LARP4B: variants seen among roughly 807,000 people sequenced by gnomAD.
LARP4B encodes La ribonucleoprotein 4B, also known as la-related protein 4B.
A neutral mutation model predicts 89.8 loss-of-function variants in LARP4B; 12 were observed. The ratio of observed to expected loss-of-function variants is 0.13; its 90% confidence interval spans 0.09 to 0.22. The LOEUF (loss-of-function observed/expected upper bound fraction) is 0.22, where lower values mean the gene tolerates loss of function less well. Ranked by LOEUF, LARP4B falls within the 10% of genes least tolerant of loss-of-function variation. The pLI, the probability that LARP4B is intolerant of heterozygous loss-of-function variation, is 1.00. For synonymous variants in LARP4B, 367 were observed against 363.3 expected, an observed-to-expected ratio of 1.01 and a Z score of -0.12; for missense variants, 757 against 947.7, an observed-to-expected ratio of 0.80 and a Z score of 2.64.
the LARP4B span, among the ~76,000 whole-genome samples, chr10:983,770 C>T: frequency 8.0e-4 from 122 of 152,262 alleles, no homozygotes; most frequent in African/African-American, 2.6e-3. Context: ...TAATTTGGTC[C>T]ACAGCAGTGG....
At chr10:871,800 T>C (rs531134181) in intron 3 of LARP4B, among the ~76,000 whole-genome samples, 14 of 152,308 alleles carry the variant, frequency 9.2e-5, no homozygotes, top group African/African-American at 3.1e-4. Flanking sequence ...ACAGGAAGGA[T>C]ACTATCTGCT....
In LARP4B at chr10:814,678, G is replaced by C; in HGVS notation, c.1929+64C>G. On this transcript the variant is annotated intron_variant, in intron 17 of 17. Transcript: ENST00000316157. The surrounding 1 kb of genome is among the most constrained non-coding windows in gnomAD (Gnocchi z 4.4). Reference sequence around the variant, plus strand: ...AAAAAACGAGCAGGTGCAGGAGTGCGCAGCGTCTGTTCACACCAGAGCCTC... The same window carrying C: ...AAAAAACGAGCAGGTGCAGGAGTGCCCAGCGTCTGTTCACACCAGAGCCTC... 6.4e-7 allele frequency: 1 copy of C among 1,553,516 alleles called. No homozygotes were observed. Among genetic ancestry groups the C allele is most frequent in the African/African-American group, 1.4e-5 (1 of 73,228 alleles).
chr10:899,151 A>G (rs1836265985), intron 1 of LARP4B, among the ~76,000 whole-genome samples: 1 of 152,220 alleles, frequency 6.6e-6, no homozygotes, highest in Non-Finnish European at 1.5e-5. Context: ...TTATACAACA[A>G]AAACAGTGAT....
At chr10:970,940 A>C in the LARP4B span, among the ~76,000 whole-genome samples, 1 of 152,298 alleles carries the variant, frequency 6.6e-6, no homozygotes, top group South Asian at 2.1e-4. Flanking sequence ...CCTTGGCTCC[A>C]CTGCCCTGAG....
At chr10:862,256 T>TAAAAAA (rs10661482) in intron 5 of LARP4B, among the ~76,000 whole-genome samples, 67 of 84,364 alleles carry the variant, frequency 7.9e-4, no homozygotes, top group African/African-American at 2.2e-3. Context: ...CCACTGAAGT[T>TAAAAAA]AAAAAAAAAA....
intron 1 of LARP4B, among the ~76,000 whole-genome samples, chr10:901,070 C>T (rs1322264729): frequency 6.6e-6 from 1 of 151,808 alleles, no homozygotes; most frequent in African/African-American, 2.4e-5. Flanking sequence ...CAGGCACCTG[C>T]CACCACGCCC....
At chr10:862,986 T>TTG (rs1834702253) in intron 5 of LARP4B, among the ~76,000 whole-genome samples, 1 of 152,128 alleles carries the variant, frequency 6.6e-6, no homozygotes, top group African/African-American at 2.4e-5. Flanking sequence ...TCCTGCAAAA[T>TTG]TTACCTTCCC....
chr10:932,895 C>T (rs981454105), upstream of LARP4B: 1 of 149,934 alleles, frequency 6.7e-6, no homozygotes, highest in African/African-American at 2.4e-5. Flanking sequence ...CCCGGCCCTT[C>T]CCCAAACCCC....
chr10:882,362 T>C (rs1211027234), intron 3 of LARP4B, among the ~76,000 whole-genome samples: 2 of 152,044 alleles, frequency 1.3e-5, no homozygotes, highest in African/African-American at 4.8e-5. Context: ...CATTATAATA[T>C]ATTGTTCTCA....
intron 1 of LARP4B, among the ~76,000 whole-genome samples, chr10:912,399 G>A (rs959810398): frequency 4.6e-5 from 7 of 152,050 alleles, no homozygotes; most frequent in East Asian, 1.9e-4. Flanking sequence ...ATCCCAGGCC[G>A]AGGGTAGGAC....
At chr10:838,439 T>C (rs1313689875) in intron 7 of LARP4B, among the ~76,000 whole-genome samples, 3 of 151,820 alleles carry the variant, frequency 2.0e-5, no homozygotes, top group Admixed American at 6.6e-5. Flanking sequence ...ATGAACAAGA[T>C]TAAAAAATGG....
chr10:926,019 C>G (rs1417203436), intron 1 of LARP4B, among the ~76,000 whole-genome samples: 1 of 152,154 alleles, frequency 6.6e-6, no homozygotes, highest in Admixed American at 6.5e-5. Flanking sequence ...AAAGATTTTC[C>G]TATTTGTTTA....
chr10:933,440 G>A (rs775349175), upstream of LARP4B, among the ~76,000 whole-genome samples: 3 of 152,252 alleles, frequency 2.0e-5, no homozygotes, highest in Non-Finnish European at 4.4e-5. Context: ...GCGTTCAAAT[G>A]CTGACAATTC....
intron 1 of LARP4B, among the ~76,000 whole-genome samples, chr10:895,977 A>G (rs999390964): frequency 3.3e-5 from 5 of 152,244 alleles, no homozygotes; most frequent in African/African-American, 1.2e-4. Context: ...TGATTCCATC[A>G]GTTGCTGAGT....
At chr10:904,385 C>T (rs1836430440) in intron 1 of LARP4B, among the ~76,000 whole-genome samples, 1 of 151,758 alleles carries the variant, frequency 6.6e-6, no homozygotes, top group Admixed American at 6.6e-5. Flanking sequence ...GAAACCCTGT[C>T]TCTATAAAAA....
chr10:956,409 G>C, the LARP4B span, among the ~76,000 whole-genome samples: 2 of 151,448 alleles, frequency 1.3e-5, no homozygotes, highest in African/African-American at 4.9e-5. The surrounding 1 kb of genome is among the most constrained non-coding windows in gnomAD (Gnocchi z 4.3). Context: ...GCAGTGGCGC[G>C]ATCTCGGCTC....
intron 4 of LARP4B, 26 bp downstream of exon 4, chr10:864,097 G>A (rs754476076): frequency 1.1e-5 from 18 of 1,613,500 alleles, no homozygotes; most frequent in Non-Finnish European, 1.5e-5. Context: ...GCAGGGGGCT[G>A]CACACCACGG....
chr10:862,265 A>AAAAC (rs1554798720), intron 5 of LARP4B, among the ~76,000 whole-genome samples: 1 of 148,864 alleles, frequency 6.7e-6, no homozygotes, highest in South Asian at 2.1e-4. Flanking sequence ...TTAAAAAAAA[A>AAAAC]AAAAAAAAAA....
the LARP4B span, among the ~76,000 whole-genome samples, chr10:965,345 T>G: frequency 6.6e-6 from 1 of 152,208 alleles, no homozygotes; most frequent in Non-Finnish European, 1.5e-5. Flanking sequence ...GCCTGGACTC[T>G]GAGGCCCCCA....
Sources: allele counts gnomAD v4.1 joint callset (sites outside exome capture counted in the v4.1 genomes callset), GRCh38; gene constraint gnomAD v4.1.1; non-coding constraint Gnocchi (gnomAD v3.1); transcripts MANE v1.5; gene names NCBI Gene and HGNC (gene_info 2026-07-23, HGNC 2026-07-21).